The following COBLL1 variants were observed in gnomAD, a reference collection of about 807,000 sequenced individuals.
The protein encoded by COBLL1 is cordon-bleu protein-like 1.
In COBLL1, 50 loss-of-function variants were observed where a neutral mutation model predicts 94.8. The observed-to-expected ratio is 0.53, with a 90% CI of 0.42 to 0.67. The LOEUF is 0.67. Ranked by LOEUF, COBLL1 falls within the 30% of genes least tolerant of loss-of-function variation. The probability of loss-of-function intolerance (pLI) is 0.00; values close to 1 mark genes in which losing one functional copy is unlikely to be tolerated. For missense variants in COBLL1, 1,362 were observed against 1,348.7 expected, an observed-to-expected ratio of 1.01 and a Z score of -0.15; for synonymous variants, 448 against 473.8, an observed-to-expected ratio of 0.95 and a Z score of 0.71.
intron 2 of COBLL1, among the ~76,000 whole-genome samples, chr2:164,803,936 A>G (rs1683956435): frequency 6.6e-6 from 1 of 152,074 alleles, no homozygotes; most frequent in African/African-American, 2.4e-5. Flanking sequence ...TGAGGGCTCA[A>G]CATACTCGAA....
intron 2 of COBLL1, among the ~76,000 whole-genome samples, chr2:164,818,715 GTA>G (rs56878856): frequency 0.27 from 39,204 of 146,136 alleles, 5,591 homozygotes; most frequent in African/African-American, 0.34. Context: ...AACATATATA[GTA>G]TATATATATG....
intron 7 of COBLL1, among the ~76,000 whole-genome samples, chr2:164,710,657 C>T (rs1443654536): frequency 2.6e-5 from 4 of 151,386 alleles, no homozygotes; most frequent in African/African-American, 9.7e-5. Flanking sequence ...CTCCGCCTCC[C>T]GGGTTCAAGC....
chr2:164,714,632 G>A (rs1275287066), intron 7 of COBLL1, among the ~76,000 whole-genome samples: 4 of 152,108 alleles, frequency 2.6e-5, no homozygotes, highest in African/African-American at 9.7e-5. Context: ...CTGGGAGCAG[G>A]CTTATCCCAG....
In COBLL1 at chr2:164,733,290, A is replaced by G. The variant is rs530337492; in HGVS notation, c.231-3175T>C. 2.0e-5 allele frequency among the ~76,000 whole-genome samples: 3 copies of G among 152,260 alleles called. No homozygotes were observed. In the South Asian group the frequency reaches 6.2e-4, roughly 32 times the overall value. On this transcript the variant is annotated intron_variant, in intron 3 of 13. Transcript: ENST00000652658. ...AAATAGTGTGGGTAATTGGTTAAGA[A>G]TATTAACATAATGGCCTATTCCCTC...
At chr2:164,745,235 A>T (rs1290963211) in intron 2 of COBLL1, among the ~76,000 whole-genome samples, 1 of 152,184 alleles carries the variant, frequency 6.6e-6, no homozygotes. Context: ...AGACTGAAGC[A>T]AGGTTCCTAC....
intron 2 of COBLL1, among the ~76,000 whole-genome samples, chr2:164,753,406 C>T (rs902688433): frequency 6.6e-6 from 1 of 151,940 alleles, no homozygotes; most frequent in Non-Finnish European, 1.5e-5. Context: ...CAATTACATC[C>T]CATGTTTCTG....
chr2:164,752,796 G>C (rs1459260634), intron 2 of COBLL1, among the ~76,000 whole-genome samples: 1 of 152,068 alleles, frequency 6.6e-6, no homozygotes, highest in Admixed American at 6.5e-5. Context: ...ACATCAAAAG[G>C]CCTGGGAGTA....
intron 10 of COBLL1, among the ~76,000 whole-genome samples, chr2:164,700,079 T>C (rs1232013616): frequency 6.6e-6 from 1 of 152,108 alleles, no homozygotes; most frequent in African/African-American, 2.4e-5. Context: ...AGAAAGTACA[T>C]TCTCTGTTTC....
At chr2:164,791,005 C>T (rs930287506) in intron 2 of COBLL1, among the ~76,000 whole-genome samples, 2 of 152,196 alleles carry the variant, frequency 1.3e-5, no homozygotes, top group Admixed American at 6.5e-5. Flanking sequence ...CCAGTAAAGT[C>T]TGCATCTAAA....
chr2:164,818,818 C>T (rs753631360), intron 2 of COBLL1, among the ~76,000 whole-genome samples: 4 of 149,632 alleles, frequency 2.7e-5, no homozygotes, highest in African/African-American at 7.5e-5. Flanking sequence ...CTCTGTCACT[C>T]GGTGCTGTGG....
rs768108307 is a variant in COBLL1, at chr2:164,685,902, G to A, written c.*44C>T. 2.8e-6 allele frequency: 3 copies of A among 1,088,586 alleles called. No individual in the cohort carries two copies. Among genetic ancestry groups the A allele is most frequent in the South Asian group, 2.7e-5 (2 of 75,360 alleles). 67.4% of individuals were successfully genotyped at this position (1,088,586 alleles called of 1,614,324 possible). ...CAAAATGTTCCATTAGTATGAAGTTGGTCTGAAGTGGAAGTGAAGTGCAGT... is the reference window on the plus strand; with the variant it reads ...CAAAATGTTCCATTAGTATGAAGTTAGTCTGAAGTGGAAGTGAAGTGCAGT... On this transcript the variant is annotated 3_prime_UTR_variant, in exon 14 of 14. Transcript: ENST00000652658.
intron 2 of COBLL1, among the ~76,000 whole-genome samples, chr2:164,765,391 A>G (rs1291183885): frequency 1.3e-5 from 2 of 152,240 alleles, no homozygotes; most frequent in African/African-American, 4.8e-5. Flanking sequence ...ATCAAAATGT[A>G]GGAACAAAGA....
intron 9 of COBLL1, among the ~76,000 whole-genome samples, chr2:164,701,672 A>T (rs1676100036): frequency 2.9e-5 from 2 of 68,122 alleles, no homozygotes; most frequent in Admixed American, 1.2e-4. Flanking sequence ...TTCACTGTAT[A>T]AAAAAAATGT....
intron 6 of COBLL1, 44 bp downstream of exon 6, chr2:164,722,381 A>G (rs528354967): frequency 1.3e-6 from 2 of 1,503,092 alleles, no homozygotes; most frequent in Admixed American, 2.1e-5. Flanking sequence ...GTAATTAAAA[A>G]TAATTGAAGA....
intron 2 of COBLL1, among the ~76,000 whole-genome samples, chr2:164,838,875 G>A (rs1357204878): frequency 6.6e-6 from 1 of 152,130 alleles, no homozygotes; most frequent in Non-Finnish European, 1.5e-5. Context: ...AACATATTAA[G>A]ATTTCTGCCT....
chr2:164,717,550 T>C (rs1327172417), intron 7 of COBLL1, among the ~76,000 whole-genome samples: 6 of 152,184 alleles, frequency 3.9e-5, no homozygotes, highest in Non-Finnish European at 7.4e-5. Context: ...TTTACTATTT[T>C]AAAATTCATT....
intron 2 of COBLL1, among the ~76,000 whole-genome samples, chr2:164,766,370 G>C (rs950328605): frequency 6.6e-6 from 1 of 152,146 alleles, no homozygotes; most frequent in African/African-American, 2.4e-5. Flanking sequence ...AGCCAGATGG[G>C]AGGTGACTGA....
At chr2:164,817,738 A>G (rs1462293403) in intron 2 of COBLL1, among the ~76,000 whole-genome samples, 1 of 152,112 alleles carries the variant, frequency 6.6e-6, no homozygotes, top group African/African-American at 2.4e-5. Flanking sequence ...GGTCAGCGCA[A>G]CAGTTCCCTC....
At chr2:164,776,188 T>C (rs1688454492) in intron 2 of COBLL1, among the ~76,000 whole-genome samples, 1 of 151,726 alleles carries the variant, frequency 6.6e-6, no homozygotes, top group African/African-American at 2.4e-5. Flanking sequence ...AAAACTTCCA[T>C]GTCACCATCT....
Sources: allele counts gnomAD v4.1 joint callset (sites outside exome capture counted in the v4.1 genomes callset), GRCh38; gene constraint gnomAD v4.1.1; transcripts MANE v1.5; gene names NCBI Gene and HGNC (gene_info 2026-07-23, HGNC 2026-07-21).